COL13A1: variants seen among roughly 807,000 people sequenced by gnomAD.
The protein encoded by COL13A1 is collagen type XIII alpha 1 chain, also known as collagen alpha-1(XIII) chain.
Under a neutral mutation model 130.9 loss-of-function variants are expected in COL13A1, and 89 were observed. That is an observed-to-expected ratio of 0.68 (90% CI 0.57 to 0.81). The LOEUF (loss-of-function observed/expected upper bound fraction) is 0.81, where lower values mean the gene tolerates loss of function less well. Among genes scored for constraint, COL13A1 ranks in the 30% least tolerant of loss-of-function variants. COL13A1 has a pLI of 0.00. For synonymous variants in COL13A1, 402 were observed against 341.6 expected (o/e 1.18, Z -1.95); for missense variants, 879 against 934.6 (o/e 0.94, Z 0.78).
chr10:69,951,241 A>G (rs1049119248), intron 38 of COL13A1, among the ~76,000 whole-genome samples: 2 of 152,098 alleles, frequency 1.3e-5, no homozygotes, highest in Non-Finnish European at 1.5e-5. Context: ...TCTGACCCCA[A>G]CCTTTGGCTC....
At chr10:69,880,634 G>A (rs942487042) in intron 7 of COL13A1, 81 bp downstream of exon 7, 1 of 1,441,768 alleles carries the variant, frequency 6.9e-7, no homozygotes, top group East Asian at 2.3e-5. Context: ...GGGATGAGGG[G>A]ACAGCGAGGG....
At chr10:69,844,791 C>T (rs1312853401) in intron 2 of COL13A1, among the ~76,000 whole-genome samples, 4 of 152,182 alleles carry the variant, frequency 2.6e-5, no homozygotes, top group Non-Finnish European at 1.5e-5. Flanking sequence ...AGTACATATG[C>T]CAGGTGAATG....
At chr10:69,810,255 T>C (rs1157064865) in intron 1 of COL13A1, among the ~76,000 whole-genome samples, 1 of 152,022 alleles carries the variant, frequency 6.6e-6, no homozygotes, top group African/African-American at 2.4e-5. Context: ...CAATACCTGC[T>C]GCAGATGTCT....
chr10:69,958,642 T>C, intron 40 of COL13A1, 57 bp from the exon 41 acceptor site: 1 of 1,612,672 alleles, frequency 6.2e-7, no homozygotes, highest in Non-Finnish European at 8.5e-7. Context: ...ACAAAGGAAA[T>C]AAACCTCTGC....
chr10:69,900,128 T>C (rs2062037825), intron 14 of COL13A1, among the ~76,000 whole-genome samples: 1 of 152,262 alleles, frequency 6.6e-6, no homozygotes, highest in South Asian at 2.1e-4. Flanking sequence ...CTTAGAGAAG[T>C]ACCAGGCCCA....
intron 35 of COL13A1, among the ~76,000 whole-genome samples, chr10:69,941,348 G>A (rs1161340755): frequency 6.6e-6 from 1 of 152,178 alleles, no homozygotes; most frequent in Non-Finnish European, 1.5e-5. Flanking sequence ...AGCCCTGGAG[G>A]TTTGAGCCAT....
intron 17 of COL13A1, among the ~76,000 whole-genome samples, chr10:69,916,291 T>A (rs890232027): frequency 6.6e-6 from 1 of 152,244 alleles, no homozygotes; most frequent in African/African-American, 2.4e-5. Context: ...TGTCACACTC[T>A]GTGTTGCCCA....
chr10:69,936,654 C>G, intron 32 of COL13A1, 102 bp from the exon 33 acceptor site: 1 of 1,427,418 alleles, frequency 7.0e-7, no homozygotes, highest in Non-Finnish European at 9.8e-7. Context: ...AAACCATACT[C>G]TGCACCCAAA....
At chr10:69,851,589 G>A (rs1051159640) in intron 2 of COL13A1, among the ~76,000 whole-genome samples, 1 of 152,228 alleles carries the variant, frequency 6.6e-6, no homozygotes, top group Non-Finnish European at 1.5e-5. Flanking sequence ...TGTGGCTAGT[G>A]AGGCTGAGGA....
chr10:69,900,122 G>A (rs564041443), intron 14 of COL13A1, among the ~76,000 whole-genome samples: 267 of 152,330 alleles, frequency 1.8e-3, no homozygotes, highest in African/African-American at 5.5e-3. Flanking sequence ...TGGCAGCTTA[G>A]AGAAGTACCA....
intron 27 of COL13A1, 59 bp downstream of exon 27, chr10:69,927,169 G>T: frequency 6.2e-7 from 1 of 1,607,350 alleles, no homozygotes; most frequent in Admixed American, 1.7e-5. Flanking sequence ...GGGGATGGCA[G>T]CCTGGAAGCA....
chr10:69,836,376 G>A (rs1289938868), intron 2 of COL13A1, among the ~76,000 whole-genome samples: 2 of 152,208 alleles, frequency 1.3e-5, no homozygotes, highest in Non-Finnish European at 2.9e-5. Context: ...CCACACTGTT[G>A]GTGGCTTGTG....
intron 16 of COL13A1, among the ~76,000 whole-genome samples, chr10:69,905,402 G>A (rs937975647): frequency 6.6e-6 from 1 of 152,168 alleles, no homozygotes; most frequent in African/African-American, 2.4e-5. Flanking sequence ...GGGGACCCTG[G>A]GGCTCTGGGG....
intron 2 of COL13A1, among the ~76,000 whole-genome samples, chr10:69,830,647 G>A (rs900225386): frequency 2.0e-5 from 3 of 152,170 alleles, no homozygotes; most frequent in South Asian, 2.1e-4. Flanking sequence ...GTAGAGACTG[G>A]GGTGCTTAGG....
intron 1 of COL13A1, among the ~76,000 whole-genome samples, chr10:69,804,594 T>G (rs964762983): frequency 6.6e-6 from 1 of 150,758 alleles, no homozygotes; most frequent in Non-Finnish European, 1.5e-5. Context: ...GGCCCAGGAC[T>G]AGAACCTCAG....
At chr10:69,919,150 G>A in intron 20 of COL13A1, 62 bp downstream of exon 20, 3 of 1,606,758 alleles carry the variant, frequency 1.9e-6, no homozygotes, top group African/African-American at 1.3e-5. Flanking sequence ...AGAGGTGGGA[G>A]GGGCTGCTGC....
chr10:69,878,317 A>C (rs1250567411), intron 6 of COL13A1, among the ~76,000 whole-genome samples: 2 of 152,068 alleles, frequency 1.3e-5, no homozygotes, highest in Admixed American at 6.6e-5. Flanking sequence ...CCCTGCCCTG[A>C]CAGCATGAGG....
At chr10:69,855,930 A>T (rs1856331142) in intron 2 of COL13A1, among the ~76,000 whole-genome samples, 2 of 152,248 alleles carry the variant, frequency 1.3e-5, no homozygotes, top group South Asian at 4.1e-4. Context: ...TAGTCAGATG[A>T]TAGCCAGTGG....
chr10:69,909,673 G>C (rs369554272), intron 17 of COL13A1, among the ~76,000 whole-genome samples: 110 of 152,322 alleles, frequency 7.2e-4, no homozygotes, highest in African/African-American at 2.6e-3. Flanking sequence ...TTCCTTGGGA[G>C]GCTATAAATG....
Sources: allele counts gnomAD v4.1 joint callset (sites outside exome capture counted in the v4.1 genomes callset), GRCh38; gene constraint gnomAD v4.1.1; transcripts MANE v1.5; gene names NCBI Gene and HGNC (gene_info 2026-07-23, HGNC 2026-07-21).